IFIH1: variants seen among roughly 807,000 people sequenced by gnomAD.
IFIH1 encodes interferon induced with helicase C domain 1, also known as interferon-induced helicase C domain-containing protein 1.
IFIH1 carries 125 observed loss-of-function variants against 107.4 expected under a neutral mutation model. That is an observed-to-expected ratio of 1.16 (90% confidence interval 1.01 to 1.35). The LOEUF (loss-of-function observed/expected upper bound fraction) is 1.35, where lower values mean the gene tolerates loss of function less well. IFIH1 is among the 40% of genes most tolerant of loss of function. The pLI, the probability that IFIH1 is intolerant of heterozygous loss-of-function variation, is 0.00. For synonymous variants in IFIH1, 458 were observed against 413.2 expected (o/e 1.11, Z -1.31); for missense variants, 1,333 against 1,213.7 (o/e 1.10, Z -1.46).
intron 1 of IFIH1, 45 bp downstream of exon 1, chr2:162,317,810 G>C: frequency 6.7e-7 from 1 of 1,484,068 alleles, no homozygotes; most frequent in Non-Finnish European, 9.0e-7. Flanking sequence ...AGCCTGCTTT[G>C]CAAAATCTGC....
chr2:162,295,824 T>C (rs1683076271), intron 3 of IFIH1, among the ~76,000 whole-genome samples: 3 of 151,858 alleles, frequency 2.0e-5, no homozygotes, highest in Non-Finnish European at 4.4e-5. Flanking sequence ...TGGGCAGATG[T>C]ACTGATGAAA....
chr2:162,282,216 G>T, intron 6 of IFIH1, 150 bp downstream of exon 6: 2 of 534,356 alleles, frequency 3.7e-6, no homozygotes. Context: ...TACTTTTTTT[G>T]TTTCCTCCAG....
intron 5 of IFIH1, among the ~76,000 whole-genome samples, chr2:162,287,156 C>A (rs1315129411): frequency 6.6e-6 from 1 of 151,804 alleles, no homozygotes; most frequent in Non-Finnish European, 1.5e-5. Flanking sequence ...AGCAGATGCA[C>A]ACAAAATGCA....
Position 162,309,559 on chromosome 2 carries a change from T to C in IFIH1, c.622+1206A>G, listed in dbSNP as rs140949464. Reference sequence around the variant, plus strand: ...ATTCTGTCCTGCTTTCTCTGTCTCCTTCAGTTCAAACTGGAAGTGTATTTG... The same window carrying C: ...ATTCTGTCCTGCTTTCTCTGTCTCCCTCAGTTCAAACTGGAAGTGTATTTG... On this transcript the variant is annotated intron_variant, in intron 2 of 15. Transcript: ENST00000649979. Among the ~76,000 whole-genome samples the C allele has an allele frequency of 4.6e-5, 7 of 152,318 alleles. No homozygotes were observed. The East Asian group carries it at 7.7e-4, about 17-fold the overall frequency.
chr2:162,288,429 G>A (rs577611318), intron 4 of IFIH1, 74 bp from the exon 5 acceptor site: 11 of 1,066,410 alleles, frequency 1.0e-5, no homozygotes, highest in African/African-American at 6.3e-5. Flanking sequence ...GAAACTGAAC[G>A]TAGGCCTCTT....
chr2:162,302,402 A>G (rs547770372), intron 3 of IFIH1, among the ~76,000 whole-genome samples: 1 of 152,344 alleles, frequency 6.6e-6, no homozygotes, highest in African/African-American at 2.4e-5. Context: ...AATCATATTT[A>G]CAGACTTTGT....
At chr2:162,280,950 T>G (rs1682797239) in intron 7 of IFIH1, among the ~76,000 whole-genome samples, 1 of 152,006 alleles carries the variant, frequency 6.6e-6, no homozygotes, top group African/African-American at 2.4e-5. Flanking sequence ...AAATACGCAG[T>G]TTTGAAACTC....
rs376074455 is a variant in IFIH1 at position 162,277,463 on chromosome 2, G to A, written c.1996C>T (p.Pro666Ser). 2.1e-5 allele frequency: 33 copies of A among 1,608,496 alleles called. No homozygotes were observed. Among genetic ancestry groups the A allele is most frequent in the Middle Eastern group, 1.6e-4 (1 of 6,078 alleles). ...GDEDEDDLKK[P>S]LKLDETDRFL... ...CTATCTGTTTCATCCAGTTTCAAAGGTTTCTTTAAATCATCCTCATCTTCA... is the reference window on the plus strand; with the variant it reads ...CTATCTGTTTCATCCAGTTTCAAAGATTTCTTTAAATCATCCTCATCTTCA... The change falls in exon 10 of 16, where the codon CCT becomes TCT. Residue 666 changes from proline (P) to serine (S), a missense_variant. Pro to Ser is a moderately conservative substitution (Grantham distance 74). Coordinates refer to ENST00000649979, the MANE Select transcript of IFIH1 (RefSeq NM_022168.4).
At chr2:162,314,989 T>C (rs1683463487) in intron 1 of IFIH1, among the ~76,000 whole-genome samples, 1 of 152,132 alleles carries the variant, frequency 6.6e-6, no homozygotes, top group African/African-American at 2.4e-5. Flanking sequence ...CAAACCTATG[T>C]ATAAAGTCAT....
At chr2:162,276,201 A>C (rs1691150826) in intron 11 of IFIH1, among the ~76,000 whole-genome samples, 1 of 152,200 alleles carries the variant, frequency 6.6e-6, no homozygotes, top group African/African-American at 2.4e-5. Flanking sequence ...TTAGCCTTAG[A>C]TTTTATTTCA....
intron 3 of IFIH1, among the ~76,000 whole-genome samples, chr2:162,304,447 G>C (rs1323941005): frequency 6.6e-6 from 1 of 152,082 alleles, no homozygotes. Context: ...GGGCGACAGA[G>C]AGACAGAGCA....
At chr2:162,300,458 G>A (rs1262813191) in intron 3 of IFIH1, among the ~76,000 whole-genome samples, 1 of 152,162 alleles carries the variant, frequency 6.6e-6, no homozygotes, top group Non-Finnish European at 1.5e-5. Context: ...CCTGAGGTAT[G>A]AATGGTAATC....
chr2:162,317,790 C>T, intron 1 of IFIH1, 65 bp downstream of exon 1: 2 of 1,348,898 alleles, frequency 1.5e-6, no homozygotes, highest in Admixed American at 2.3e-5. Context: ...AAGGGGCAAA[C>T]GCACAAGGAA....
Position 162,277,712 on chromosome 2 carries a change from T to A in IFIH1, c.1766-19A>T, listed in dbSNP as rs763314815. 6.3e-7 allele frequency: 1 copy of A among 1,590,662 alleles called. No individual in the cohort carries two copies. ...TTTGCAGCTGTGAAAAAATATATTATGTAAGTGAAATAATAAGCATATAAA... is the reference window on the plus strand; with the variant it reads ...TTTGCAGCTGTGAAAAAATATATTAAGTAAGTGAAATAATAAGCATATAAA... On this transcript the variant is annotated intron_variant, in intron 9 of 15. Transcript: ENST00000649979.
intron 5 of IFIH1, 125 bp downstream of exon 5, chr2:162,288,010 C>T (rs559988770): frequency 1.4e-5 from 9 of 627,732 alleles, no homozygotes; most frequent in Non-Finnish European, 2.5e-5. Flanking sequence ...AAATAAAGAG[C>T]TTATTTTGAC....
At chr2:162,304,238 T>C (rs55861494) in intron 3 of IFIH1, among the ~76,000 whole-genome samples, 5,766 of 152,270 alleles carry the variant, frequency 0.038, 358 homozygotes, top group African/African-American at 0.13. Context: ...GGCAGGAGGA[T>C]TCCTTGAGCC....
intron 6 of IFIH1, 99 bp downstream of exon 6, chr2:162,282,267 C>T (rs1682823057): frequency 1.3e-6 from 1 of 741,280 alleles, no homozygotes; most frequent in Non-Finnish European, 2.1e-6. Context: ...CAATAAAAGA[C>T]AATTTAAGCC....
At chr2:162,315,195 A>G (rs1033449364) in intron 1 of IFIH1, among the ~76,000 whole-genome samples, 1 of 152,186 alleles carries the variant, frequency 6.6e-6, no homozygotes, top group African/African-American at 2.4e-5. Context: ...TGGAAATCTT[A>G]TTTTCATCAT....
chr2:162,285,515 G>A (rs1328360754), intron 5 of IFIH1, among the ~76,000 whole-genome samples: 1 of 151,932 alleles, frequency 6.6e-6, no homozygotes, highest in Non-Finnish European at 1.5e-5. Flanking sequence ...AGATGGTATA[G>A]TAAACAATTA....
Sources: allele counts gnomAD v4.1 joint callset (sites outside exome capture counted in the v4.1 genomes callset), GRCh38; gene constraint gnomAD v4.1.1; transcripts MANE v1.5; gene names NCBI Gene and HGNC (gene_info 2026-07-23, HGNC 2026-07-21).